PRAG1: variants seen among roughly 807,000 people sequenced by gnomAD.
PRAG1 encodes the protein inactive tyrosine-protein kinase PRAG1.
PRAG1 carries 110 observed loss-of-function variants against 95.6 expected under a neutral mutation model. The ratio of observed to expected loss-of-function variants is 1.15; its 90% confidence interval spans 0.99 to 1.35. PRAG1 has a LOEUF of 1.35. Among genes scored for constraint, PRAG1 ranks in the 40% most tolerant of loss-of-function variants. The pLI, the probability that PRAG1 is intolerant of heterozygous loss-of-function variation, is 0.00. For synonymous variants in PRAG1, 1,052 were observed against 819.4 expected (o/e 1.28, Z -4.85); for missense variants, 2,554 against 1,864.7 (o/e 1.37, Z -6.81).
At chr8:8,370,057 G>T (rs890396590) in intron 3 of PRAG1, among the ~76,000 whole-genome samples, 1 of 152,198 alleles carries the variant, frequency 6.6e-6, no homozygotes. Context: ...ATAAATTAAA[G>T]AAAGAATCTC....
rs1160555862 is a variant in PRAG1, at chr8:8,376,889, C to T, written c.1520G>A (p.Ser507Asn). 1.2e-6 allele frequency: 2 copies of T among 1,613,290 alleles called. No individual in the cohort carries two copies. Among genetic ancestry groups the T allele is most frequent in the Non-Finnish European group, 1.7e-6 (2 of 1,180,022 alleles). ...CTCTTCACCTACCTCGGAGTTCTGG[C>T]TCACAGGCCCTCGTGGCCACTGCAC... The part of the protein sequence containing the change: ...VGVQWPRGPV[S>N]QNSEVGEEET... The change falls in exon 3 of 6, where the codon AGC (serine) becomes AAC (asparagine). Residue 507 changes from serine (S) to asparagine (N), a missense_variant. Coordinates refer to ENST00000615670, the MANE Select transcript of PRAG1 (RefSeq NM_001080826.3).
intron 4 of PRAG1, among the ~76,000 whole-genome samples, chr8:8,332,654 G>A (rs943329839): frequency 1.1e-5 from 1 of 89,942 alleles, no homozygotes; most frequent in Non-Finnish European, 2.0e-5. Flanking sequence ...GGCCACTCCA[G>A]GCCTCCGAGG....
intron 4 of PRAG1, among the ~76,000 whole-genome samples, chr8:8,333,786 G>T (rs946144185): frequency 6.6e-6 from 1 of 152,192 alleles, no homozygotes; most frequent in South Asian, 2.1e-4. Flanking sequence ...CTCCCCAAAC[G>T]TTTAGCTTTT....
chr8:8,378,000 G>A lies in PRAG1; in HGVS notation c.409C>T (p.Arg137Ter), dbSNP rs56290960. Residue 137 changes from arginine to a stop codon, truncating the protein, a stop_gained, in exon 3 of 6, where the codon CGA becomes TGA. Coordinates refer to ENST00000615670, the MANE Select transcript of PRAG1 (RefSeq NM_001080826.3). LOFTEE classifies it high-confidence loss of function. ...GGACCAGCAGGCTTCTGTACACCTC[G>A]GAAGCTGCCCAGGTAGACGACGGGG... ...DAPVVYLGSF[R>*]GVQKPAGPST... 250 of 1,603,498 alleles carry A rather than the reference G, an allele frequency of 1.6e-4. No homozygotes were observed. Among genetic ancestry groups the A allele is most frequent in the Non-Finnish European group, 1.9e-4 (221 of 1,174,162 alleles).
At chr8:8,356,425 A>G (rs1799684926) in intron 3 of PRAG1, among the ~76,000 whole-genome samples, 1 of 152,238 alleles carries the variant, frequency 6.6e-6, no homozygotes, top group Non-Finnish European at 1.5e-5. Context: ...GGCTCACCAC[A>G]GCCTTGACCT....
chr8:8,370,013 G>A (rs1437899537), intron 3 of PRAG1, among the ~76,000 whole-genome samples: 1 of 152,138 alleles, frequency 6.6e-6, no homozygotes, highest in African/African-American at 2.4e-5. Context: ...CTTGCACAGA[G>A]CCCACTCAAA....
chr8:8,380,650 T>C (rs950785502), intron 2 of PRAG1, among the ~76,000 whole-genome samples: 2 of 151,692 alleles, frequency 1.3e-5, no homozygotes, highest in African/African-American at 4.9e-5. Context: ...GGTCAAGAGA[T>C]CGAGACCATC....
chr8:8,343,651 C>G (rs1799242990), intron 3 of PRAG1, among the ~76,000 whole-genome samples: 1 of 152,158 alleles, frequency 6.6e-6, no homozygotes, highest in South Asian at 2.1e-4. Context: ...TATGAGTCAA[C>G]AAACTTTTCC....
Position 8,338,738 on chromosome 8 carries a change from A to G in PRAG1, c.2320+740T>C, listed in dbSNP as rs193128720. Among the ~76,000 whole-genome samples, 14 of 152,310 alleles carry G rather than the reference A, an allele frequency of 9.2e-5. No individual in the cohort carries two copies. In the East Asian group the frequency reaches 2.3e-3, roughly 25 times the overall value. ...GGAACCCTCTACTGTGTCATTGCCTATTGAGAAGAAATATTTCCATAGGAC... is the reference window on the plus strand; with the variant it reads ...GGAACCCTCTACTGTGTCATTGCCTGTTGAGAAGAAATATTTCCATAGGAC... On this transcript the variant is annotated intron_variant, in intron 4 of 5. Coordinates refer to ENST00000615670, the MANE Select transcript of PRAG1 (RefSeq NM_001080826.3).
At chr8:8,381,953 A>T (rs2116950914) in intron 1 of PRAG1, 119 bp from the exon 2 acceptor site, 1 of 506,538 alleles carries the variant, frequency 2.0e-6, no homozygotes, top group Non-Finnish European at 3.5e-6. Context: ...AAAGATTAGG[A>T]TCCCATTTAT....
At position 8,328,110 on chromosome 8, in the gene PRAG1, T is replaced by C; in HGVS notation, c.2672A>G (p.His891Arg). The change falls in exon 5 of 6, where the codon CAC becomes CGC. Residue 891 changes from histidine (H) to arginine (R), a missense_variant. His to Arg is a conservative substitution (Grantham distance 29). Coordinates refer to ENST00000615670, the MANE Select transcript of PRAG1 (RefSeq NM_001080826.3). Reference protein sequence around the residue: ...PLEKAFKGSGHWLPAAGLAGN... With the variant: ...PLEKAFKGSGRWLPAAGLAGN... Reference sequence around the variant, plus strand: ...CGCCAGCCCTGCTGCCGGAAGCCAGTGGCCACTGCCTTTGAAAGCTTTCTC... The same window carrying C: ...CGCCAGCCCTGCTGCCGGAAGCCAGCGGCCACTGCCTTTGAAAGCTTTCTC... 1.2e-6 allele frequency: 2 copies of C among 1,612,990 alleles called. No homozygotes were observed. Among genetic ancestry groups the C allele is most frequent in the Non-Finnish European group, 1.7e-6 (2 of 1,178,990 alleles).
At chr8:8,384,586 A>T (rs968031642) in intron 1 of PRAG1, among the ~76,000 whole-genome samples, 1 of 149,076 alleles carries the variant, frequency 6.7e-6, no homozygotes, top group African/African-American at 2.5e-5. Context: ...CGCAGCAAAC[A>T]GAATTTACCA....
intron 3 of PRAG1, among the ~76,000 whole-genome samples, chr8:8,375,865 T>C (rs1800367573): frequency 6.6e-6 from 1 of 152,054 alleles, no homozygotes; most frequent in African/African-American, 2.4e-5. Flanking sequence ...TGCCCTCTTT[T>C]GCATGTTTAA....
rs571325682 is a variant in PRAG1, at chr8:8,356,636, C to T, written c.2163-17001G>A. ...GTGCTGGGATTTCAGGCTTGAACCA[C>T]CACGACTGGCCTAGAGGTTCTCAGT... On this transcript the variant is annotated intron_variant, in intron 3 of 5. Transcript: ENST00000615670. Among the ~76,000 whole-genome samples, 8 of 152,232 alleles carry T rather than the reference C, an allele frequency of 5.3e-5. No individual in the cohort carries two copies. In the South Asian group the frequency reaches 1.7e-3, roughly 32 times the overall value.
rs193205039 is a variant in PRAG1 at position 8,378,804 on chromosome 8, T to C, written c.331-726A>G. Among the ~76,000 whole-genome samples the C allele has an allele frequency of 1.2e-4, 18 of 151,544 alleles. No homozygotes were observed. In the East Asian group the frequency reaches 3.5e-3, roughly 29 times the overall value. Reference sequence around the variant, plus strand: ...TGAGCCCAGGAGGCGGAGGTTGCAGTGACCCAAATCACACCACCACACTCC... The same window carrying C: ...TGAGCCCAGGAGGCGGAGGTTGCAGCGACCCAAATCACACCACCACACTCC... On this transcript the variant is annotated intron_variant, in intron 2 of 5. Coordinates refer to ENST00000615670, the MANE Select transcript of PRAG1 (RefSeq NM_001080826.3).
At chr8:8,367,928 A>T (rs988189251) in intron 3 of PRAG1, among the ~76,000 whole-genome samples, 2 of 152,218 alleles carry the variant, frequency 1.3e-5, no homozygotes, top group African/African-American at 4.8e-5. Flanking sequence ...GGCGTGAGCC[A>T]TCACGCCTGG....
chr8:8,337,343 G>C (rs1799023100), intron 4 of PRAG1, among the ~76,000 whole-genome samples: 3 of 152,196 alleles, frequency 2.0e-5, no homozygotes, highest in Non-Finnish European at 4.4e-5. Flanking sequence ...GAAGATAATT[G>C]TGCAATAACA....
chr8:8,381,646 G>A lies in PRAG1; in HGVS notation c.102C>T (p.Phe34=). ...IWKPGSCKNC[F]CLRSDHQLVA... ...CCAGCTGGTGGTCGCTCCGCAGGCA[G>A]AAGCAGTTCTTGCAGGACCCGGGTT... The change falls in exon 2 of 6, where the codon TTC becomes TTT. Residue 34 remains phenylalanine, a synonymous_variant. Coordinates refer to ENST00000615670, the MANE Select transcript of PRAG1 (RefSeq NM_001080826.3). 6.2e-7 allele frequency: 1 copy of A among 1,613,952 alleles called. No homozygotes were observed. The highest frequency in any genetic ancestry group is 8.5e-7 in the Non-Finnish European group (1 of 1,179,888).
Position 8,352,474 on chromosome 8 carries a change from G to A in PRAG1, c.2163-12839C>T, listed in dbSNP as rs183459055. ...CTCTCAGGGCTCCCTGGTAATGCTT[G>A]TACTTGACCCAAATCAGCTGTTCCA... On this transcript the variant is annotated intron_variant, in intron 3 of 5. Coordinates refer to ENST00000615670, the MANE Select transcript of PRAG1 (RefSeq NM_001080826.3). Among the ~76,000 whole-genome samples the A allele has an allele frequency of 9.2e-5, 14 of 152,288 alleles. No homozygotes were observed. In the East Asian group the frequency reaches 1.9e-3, roughly 21 times the overall value.
Sources: gnomAD v4.1 joint callset for allele counts (sites outside exome capture counted in the v4.1 genomes callset) on GRCh38, gnomAD v4.1.1 for gene constraint, MANE v1.5 for transcripts, NCBI Gene and HGNC (gene_info 2026-07-23, HGNC 2026-07-21) for gene names.